FGF13: variants seen among roughly 807,000 people sequenced by gnomAD.
FGF13 encodes the protein fibroblast growth factor 13.
In FGF13, 2 loss-of-function variants were observed where a neutral mutation model predicts 19.5. The ratio of observed to expected loss-of-function variants is 0.10; its 90% CI spans 0.04 to 0.32. FGF13 has a LOEUF of 0.32. FGF13 is among the 10% of genes least tolerant of loss of function. The pLI is 1.00. For missense variants in FGF13, 113 were observed against 192.7 expected, an observed-to-expected ratio of 0.59 and a Z score of 2.45; for synonymous variants, 72 against 76.9, an observed-to-expected ratio of 0.94 and a Z score of 0.33.
chrX:138,717,679 G>A (rs896800973), intron 1 of FGF13, among the ~76,000 whole-genome samples: 7 of 111,672 alleles, frequency 6.3e-5, no homozygotes, highest in Admixed American at 2.8e-4. Flanking sequence ...GTGCAGTGGC[G>A]TGATCAGCTC....
chrX:138,933,922 A>T (rs982559062), intron 1 of FGF13, among the ~76,000 whole-genome samples: 1 of 112,121 alleles, frequency 8.9e-6, no homozygotes, highest in Non-Finnish European at 1.9e-5. Flanking sequence ...AACTGTATAC[A>T]TTAAACTGGA....
At chrX:138,891,999 C>CGTGTGTGTGTGTGTGT (rs1569419108) in intron 1 of FGF13, among the ~76,000 whole-genome samples, 5 of 39,944 alleles carry the variant, frequency 1.3e-4, no homozygotes, top group African/African-American at 8.4e-4. Flanking sequence ...TCTATATATA[C>CGTGTGTGTGTGTGTGT]ATATGTGTGT....
intron 1 of FGF13, among the ~76,000 whole-genome samples, chrX:138,929,876 G>C (rs1322197857): frequency 5.6e-5 from 6 of 108,025 alleles, no homozygotes; most frequent in African/African-American, 1.4e-4. Flanking sequence ...GTGTGTGTGT[G>C]TGTGTGTGTG....
At chrX:139,010,255 A>G (rs905588457) in intron 1 of FGF13, among the ~76,000 whole-genome samples, 3 of 111,623 alleles carry the variant, frequency 2.7e-5, no homozygotes, top group African/African-American at 9.8e-5. Context: ...CAATACAAAA[A>G]GTCAACAAAG....
intron 1 of FGF13, among the ~76,000 whole-genome samples, chrX:138,995,607 C>T (rs1028006910): frequency 1.8e-5 from 2 of 112,381 alleles, no homozygotes; most frequent in African/African-American, 6.5e-5. Flanking sequence ...TGATAGCCTC[C>T]AGCTCCATCC....
intron 1 of FGF13, among the ~76,000 whole-genome samples, chrX:139,129,680 C>T (rs1373159433): frequency 1.8e-5 from 2 of 111,035 alleles, no homozygotes; most frequent in African/African-American, 6.5e-5. Flanking sequence ...GTTCGAGCTC[C>T]CAAGTGTCAT....
chrX:138,828,546 G>A (rs1450066831), intron 3 of FGF13, among the ~76,000 whole-genome samples: 4 of 104,630 alleles, frequency 3.8e-5, no homozygotes, highest in Non-Finnish European at 7.9e-5. Context: ...CTCCAGCCTG[G>A]GCGACAGAGC....
intron 1 of FGF13, among the ~76,000 whole-genome samples, chrX:138,994,198 G>C (rs987249371): frequency 1.8e-5 from 2 of 111,512 alleles, no homozygotes; most frequent in Non-Finnish European, 3.8e-5. Flanking sequence ...AGCATAGTCA[G>C]GTTCTGGTGA....
At chrX:138,781,591 C>A (rs752592756) in intron 3 of FGF13, among the ~76,000 whole-genome samples, 23 of 111,570 alleles carry the variant, frequency 2.1e-4, no homozygotes, top group African/African-American at 7.2e-4. Context: ...TTCCTTGACA[C>A]ATACACTCTC....
At chrX:138,899,763 A>G (rs916139940) in intron 1 of FGF13, among the ~76,000 whole-genome samples, 1 of 111,283 alleles carries the variant, frequency 9.0e-6, no homozygotes, top group Non-Finnish European at 1.9e-5. Context: ...ATTTACCCCA[A>G]AAAGAATATT....
chrX:138,984,604 A>AG (rs2091983733), intron 1 of FGF13, among the ~76,000 whole-genome samples: 1 of 46,065 alleles, frequency 2.2e-5, no homozygotes, highest in African/African-American at 7.1e-5. Context: ...GAGGAGGAGG[A>AG]GGAGGAGGAG....
upstream of FGF13, chrX:138,716,372 A>T (rs2090101583): frequency 8.9e-6 from 1 of 111,833 alleles, no homozygotes; most frequent in Non-Finnish European, 1.9e-5. Flanking sequence ...CAGAGAAACA[A>T]CTGGATAGAA....
intron 3 of FGF13, among the ~76,000 whole-genome samples, chrX:138,641,698 T>C (rs764304143): frequency 1.8e-5 from 2 of 111,951 alleles, no homozygotes; most frequent in South Asian, 7.4e-4. Context: ...TTTAGGGCTT[T>C]GATGTTCTCT....
intron 3 of FGF13, among the ~76,000 whole-genome samples, chrX:138,751,181 AAGG>A (rs1281869717): frequency 3.6e-5 from 4 of 111,048 alleles, no homozygotes; most frequent in African/African-American, 1.3e-4. Flanking sequence ...GAGGAAAGAA[AAGG>A]AGGTGAGGAA....
At chrX:139,025,416 C>T (rs1458019471) in intron 1 of FGF13, among the ~76,000 whole-genome samples, 1 of 111,616 alleles carries the variant, frequency 9.0e-6, no homozygotes, top group Non-Finnish European at 1.9e-5. Context: ...TCTGCTTCAT[C>T]AAGACAATTG....
At chrX:139,105,857 G>A (rs1011279827) in intron 1 of FGF13, among the ~76,000 whole-genome samples, 3 of 112,183 alleles carry the variant, frequency 2.7e-5, no homozygotes, top group Admixed American at 9.4e-5. Flanking sequence ...GATTAGAAGA[G>A]ATTACAATAG....
intron 1 of FGF13, among the ~76,000 whole-genome samples, chrX:139,128,714 T>G (rs1372280285): frequency 1.8e-5 from 2 of 112,155 alleles, no homozygotes; most frequent in Admixed American, 9.5e-5. Context: ...ATTGTGAAAA[T>G]TAATGAAAAC....
chrX:139,133,911 C>A (rs988087502), intron 1 of FGF13, among the ~76,000 whole-genome samples: 2 of 111,992 alleles, frequency 1.8e-5, no homozygotes, highest in African/African-American at 6.5e-5. Context: ...TATTCTCACT[C>A]TTCTGGAACT....
intron 1 of FGF13, among the ~76,000 whole-genome samples, chrX:138,937,602 T>G (rs2091738284): frequency 8.9e-6 from 1 of 112,375 alleles, no homozygotes; most frequent in African/African-American, 3.2e-5. Flanking sequence ...TATACACATT[T>G]TTCTAGTATC....
Sources: allele counts gnomAD v4.1 joint callset (sites outside exome capture counted in the v4.1 genomes callset), GRCh38; gene constraint gnomAD v4.1.1; transcripts MANE v1.5; gene names NCBI Gene and HGNC (gene_info 2026-07-23, HGNC 2026-07-21).